KLHL20: variants seen among roughly 807,000 people sequenced by gnomAD.
KLHL20 encodes the protein kelch-like protein 20.
In KLHL20, 29 loss-of-function variants were observed where a neutral mutation model predicts 69.5. The ratio of observed to expected loss-of-function variants is 0.42; its 90% CI spans 0.31 to 0.57. The LOEUF (loss-of-function observed/expected upper bound fraction) is 0.57, where lower values mean the gene tolerates loss of function less well. Among genes scored for constraint, KLHL20 ranks in the 20% least tolerant of loss-of-function variants. The pLI is 0.18. For synonymous variants in KLHL20, 253 were observed against 265.2 expected (o/e 0.95, Z 0.45); for missense variants, 419 against 776.0 (o/e 0.54, Z 5.47).
At chr1:173,736,757 A>G (rs1672556974) in intron 3 of KLHL20, among the ~76,000 whole-genome samples, 1 of 151,886 alleles carries the variant, frequency 6.6e-6, no homozygotes, top group Non-Finnish European at 1.5e-5. Context: ...CACCACACCA[A>G]GCTAATTTTT....
chr1:173,757,793 A>G (rs918187320), intron 7 of KLHL20, among the ~76,000 whole-genome samples: 3 of 152,210 alleles, frequency 2.0e-5, no homozygotes, highest in African/African-American at 7.2e-5. Flanking sequence ...TTGCCCTTCC[A>G]TAAGTATTTT....
chr1:173,778,797 G>A (rs781780663), intron 10 of KLHL20, among the ~76,000 whole-genome samples: 11 of 151,970 alleles, frequency 7.2e-5, no homozygotes, highest in African/African-American at 1.2e-4. Flanking sequence ...GAATGTCTAC[G>A]GTATCAGTTG....
At chr1:173,729,525 A>G (rs935557952) in intron 2 of KLHL20, among the ~76,000 whole-genome samples, 2 of 152,182 alleles carry the variant, frequency 1.3e-5, no homozygotes, top group African/African-American at 4.8e-5. Flanking sequence ...CTTATCCACC[A>G]TGATCAAGTG....
intron 8 of KLHL20, among the ~76,000 whole-genome samples, chr1:173,771,149 G>A (rs1197783700): frequency 6.6e-6 from 1 of 152,172 alleles, no homozygotes; most frequent in African/African-American, 2.4e-5. Context: ...AAGTACAAAG[G>A]GCACAGACAA....
chr1:173,716,740 A>G (rs898734542), intron 2 of KLHL20, among the ~76,000 whole-genome samples: 2 of 152,168 alleles, frequency 1.3e-5, no homozygotes, highest in African/African-American at 4.8e-5. Flanking sequence ...TTTGTTTTCT[A>G]TTTATTGAAC....
chr1:173,761,181 A>G (rs1647274586), intron 7 of KLHL20, among the ~76,000 whole-genome samples: 1 of 152,352 alleles, frequency 6.6e-6, no homozygotes, highest in Non-Finnish European at 1.5e-5. Flanking sequence ...CGACAGAAAA[A>G]TATCATAGTC....
At chr1:173,723,753 A>G (rs1232608678) in intron 2 of KLHL20, among the ~76,000 whole-genome samples, 1 of 152,182 alleles carries the variant, frequency 6.6e-6, no homozygotes, top group Admixed American at 6.5e-5. Flanking sequence ...GTAGCATGGT[A>G]CTTTTGGAAG....
intron 2 of KLHL20, among the ~76,000 whole-genome samples, chr1:173,721,263 A>G (rs1671701154): frequency 6.6e-6 from 1 of 152,176 alleles, no homozygotes; most frequent in South Asian, 2.1e-4. Context: ...CAAAATTTCC[A>G]ATCTCGTATC....
intron 2 of KLHL20, among the ~76,000 whole-genome samples, chr1:173,718,293 C>A (rs112837934): frequency 0.09 from 13,715 of 151,824 alleles, 2,001 homozygotes; most frequent in African/African-American, 0.31. Context: ...AATCCCAGCA[C>A]TTTGGGAGGC....
intron 2 of KLHL20, among the ~76,000 whole-genome samples, chr1:173,723,419 G>A (rs1671807203): frequency 1.3e-5 from 2 of 152,142 alleles, no homozygotes; most frequent in African/African-American, 4.8e-5. Context: ...TGGAAAAATT[G>A]GTTGTTGTTG....
In KLHL20 at chr1:173,753,230, T is replaced by A. The variant is rs1308407355; in HGVS notation, c.774T>A (p.Arg258=). 3 of 1,613,740 alleles carry A rather than the reference T, an allele frequency of 1.9e-6. No individual in the cohort carries two copies. The highest frequency in any genetic ancestry group is 2.5e-6 in the Non-Finnish European group (3 of 1,179,796). The change falls in exon 5 of 12, where the codon CGT becomes CGA. Residue 258 remains arginine, a synonymous_variant. Transcript: ENST00000209884. ...TCTCATAGGTGCTGCAGCATGTTCG[T>A]TTGCCTTTGCTTAGTCCCAAGTTCC... is the stretch of plus-strand genomic sequence containing the variant. ...PQLPQVLQHV[R]LPLLSPKFLV...
intron 4 of KLHL20, 62 bp downstream of exon 4, chr1:173,751,984 T>G (rs1383508107): frequency 1.4e-5 from 21 of 1,523,280 alleles, no homozygotes; most frequent in Admixed American, 1.8e-5. Context: ...ATGACTGTAA[T>G]CCCAGCACTT....
chr1:173,766,356 A>T, intron 8 of KLHL20, 67 bp downstream of exon 8: 1 of 1,432,718 alleles, frequency 7.0e-7, no homozygotes, highest in Non-Finnish European at 9.3e-7. Flanking sequence ...TTAAAAGAAA[A>T]ACTACAGGTT....
chr1:173,715,908 A>G (rs1558173908), intron 1 of KLHL20, 95 bp from the exon 2 acceptor site: 1 of 885,810 alleles, frequency 1.1e-6, no homozygotes, highest in East Asian at 2.5e-5. Context: ...GAAACTCTTG[A>G]TAACTGACGA....
In KLHL20 at chr1:173,734,289, G is replaced by A; in HGVS notation, c.597+3G>A. On this transcript the variant is annotated splice_donor_region_variant and intron_variant, in intron 3 of 11. Coordinates refer to ENST00000209884, the MANE Select transcript of KLHL20 (RefSeq NM_014458.4). The stretch of plus-strand genomic sequence containing the variant: ...TCACCCAACATAACTTTCAAGAGGT[G>A]AGTTGCACTTGGTGTTCCAATGCAC... 5 of 1,613,910 alleles carry A rather than the reference G, an allele frequency of 3.1e-6. No homozygotes were observed. Among genetic ancestry groups the A allele is most frequent in the Non-Finnish European group, 4.2e-6 (5 of 1,179,826 alleles).
At chr1:173,757,664 CA>C (rs906943946) in intron 7 of KLHL20, among the ~76,000 whole-genome samples, 114 of 59,038 alleles carry the variant, frequency 1.9e-3, no homozygotes, top group African/African-American at 2.2e-3. Flanking sequence ...GACTCCTTCT[CA>C]AAAAAAAAAA....
At chr1:173,744,399 A>G (rs981606346) in intron 3 of KLHL20, among the ~76,000 whole-genome samples, 1 of 152,112 alleles carries the variant, frequency 6.6e-6, no homozygotes, top group Non-Finnish European at 1.5e-5. Context: ...CCTTTTATCC[A>G]TGATACATGT....
intron 8 of KLHL20, among the ~76,000 whole-genome samples, chr1:173,770,289 A>T (rs1648000899): frequency 6.6e-6 from 1 of 152,240 alleles, no homozygotes; most frequent in Non-Finnish European, 1.5e-5. Flanking sequence ...GAACTCAGAA[A>T]TGTATTAGAA....
chr1:173,738,658 G>GC (rs1239684154), intron 3 of KLHL20, among the ~76,000 whole-genome samples: 1 of 152,010 alleles, frequency 6.6e-6, no homozygotes, highest in African/African-American at 2.4e-5. Flanking sequence ...TTACCTTAAG[G>GC]TATGTCCCTT....
Sources: allele counts gnomAD v4.1 joint callset (sites outside exome capture counted in the v4.1 genomes callset), GRCh38; gene constraint gnomAD v4.1.1; transcripts MANE v1.5; gene names NCBI Gene and HGNC (gene_info 2026-07-23, HGNC 2026-07-21).